DGKG: variants seen among roughly 807,000 people sequenced by gnomAD.
DGKG encodes the protein DAG kinase gamma.
In DGKG, 78 loss-of-function variants were observed where a neutral mutation model predicts 105.3. The observed-to-expected ratio is 0.74, with a 90% CI of 0.62 to 0.89. The LOEUF (loss-of-function observed/expected upper bound fraction) is 0.89. DGKG is among the 40% of genes least tolerant of loss of function. DGKG has a pLI of 0.00. For missense variants in DGKG, 958 were observed against 1,020.1 expected (o/e 0.94, Z 0.83); for synonymous variants, 346 against 367.1 (o/e 0.94, Z 0.66).
Position 186,149,112 on chromosome 3 carries a change from C to G in DGKG, c.*978G>C. On this transcript the variant is annotated 3_prime_UTR_variant, in exon 25 of 25. Transcript: ENST00000265022. ...GCAAAGAAGCAGGAGGGAACCGTCT[C>G]CTGGTTTCCCCAGCAAAGTTCCTTC... is the stretch of plus-strand genomic sequence containing the variant. The G allele has an allele frequency of 1.0e-6, 1 of 985,120 alleles. No homozygotes were observed. 61.0% of individuals were successfully genotyped at this position (985,120 alleles called of 1,614,324 possible).
At chr3:186,343,688 T>A (rs1431639520) in intron 1 of DGKG, among the ~76,000 whole-genome samples, 2 of 152,226 alleles carry the variant, frequency 1.3e-5, no homozygotes, top group Non-Finnish European at 2.9e-5. Flanking sequence ...ATCATATTTT[T>A]AAATGATTTT....
At chr3:186,303,537 G>T (rs1724077963) in intron 3 of DGKG, among the ~76,000 whole-genome samples, 1 of 152,228 alleles carries the variant, frequency 6.6e-6, no homozygotes, top group South Asian at 2.1e-4. Context: ...AGACAGCAGT[G>T]TGGGGAAGAA....
chr3:186,188,094 A>G, intron 22 of DGKG, 108 bp downstream of exon 22: 1 of 1,282,472 alleles, frequency 7.8e-7, no homozygotes. Context: ...TCCGCAGAGC[A>G]TGGAGTCCTT....
intron 2 of DGKG, among the ~76,000 whole-genome samples, chr3:186,315,257 T>C (rs1724761829): frequency 6.6e-6 from 1 of 152,200 alleles, no homozygotes; most frequent in African/African-American, 2.4e-5. Context: ...TATTCCACAC[T>C]TTAAAGACTT....
chr3:186,266,523 A>G (rs1192870749), intron 13 of DGKG, among the ~76,000 whole-genome samples: 1 of 152,168 alleles, frequency 6.6e-6, no homozygotes, highest in Non-Finnish European at 1.5e-5. Flanking sequence ...AGAATTTTTG[A>G]GTTATGGAGT....
chr3:186,326,674 T>C (rs996344535), intron 1 of DGKG, among the ~76,000 whole-genome samples: 2 of 152,168 alleles, frequency 1.3e-5, no homozygotes, highest in African/African-American at 2.4e-5. Context: ...AAAAACAAAA[T>C]AGACTTCAAG....
intron 6 of DGKG, among the ~76,000 whole-genome samples, chr3:186,285,679 CTT>C (rs34275225): frequency 4.1e-4 from 55 of 133,176 alleles, no homozygotes; most frequent in East Asian, 4.3e-4. Context: ...TTCTTTCTTT[CTT>C]TTTTTTTTTT....
At chr3:186,354,741 T>G (rs957546547) in intron 1 of DGKG, among the ~76,000 whole-genome samples, 2 of 152,202 alleles carry the variant, frequency 1.3e-5, no homozygotes, top group African/African-American at 4.8e-5. Context: ...GAGAAATAGA[T>G]ATTTTTGCAG....
chr3:186,296,751 G>T (rs910499863), intron 5 of DGKG, among the ~76,000 whole-genome samples: 2 of 152,288 alleles, frequency 1.3e-5, no homozygotes, highest in Admixed American at 1.3e-4. Flanking sequence ...GGCTCCACAG[G>T]TCACACCAGT....
chr3:186,165,140 C>CT, intron 22 of DGKG, 122 bp from the exon 23 acceptor site: 1 of 1,024,160 alleles, frequency 9.8e-7, no homozygotes, highest in South Asian at 1.8e-5. Context: ...CACCAAACAC[C>CT]TTTTTCATAT....
At chr3:186,206,739 T>C (rs557777239) in intron 21 of DGKG, among the ~76,000 whole-genome samples, 2 of 151,868 alleles carry the variant, frequency 1.3e-5, no homozygotes, top group Admixed American at 1.3e-4. Flanking sequence ...GGGGACATGC[T>C]GGCTTCTTTT....
At chr3:186,356,342 C>A (rs533078428) in intron 1 of DGKG, among the ~76,000 whole-genome samples, 9 of 152,184 alleles carry the variant, frequency 5.9e-5, no homozygotes, top group African/African-American at 2.2e-4. Flanking sequence ...AATATCTGGG[C>A]AAGTTGGCGA....
Position 186,275,574 on chromosome 3 carries a change from C to A in DGKG, c.883G>T (p.Val295Phe). ...GTGCAGCACAGGCCTTGCTTGCGGACGCCCATGAGCATGATATGGCAGAAG... is the reference window on the plus strand; with the variant it reads ...GTGCAGCACAGGCCTTGCTTGCGGAAGCCCATGAGCATGATATGGCAGAAG... ...CNFCHIMLMG[V>F]RKQGLCCTYC... The change falls in exon 10 of 25, where the codon GTC (valine) becomes TTC (phenylalanine). Residue 295 changes from valine (V) to phenylalanine (F), a missense_variant. Coordinates refer to ENST00000265022, the MANE Select transcript of DGKG (RefSeq NM_001346.3). 1.2e-6 allele frequency: 2 copies of A among 1,614,180 alleles called. No individual in the cohort carries two copies. The highest frequency in any genetic ancestry group is 8.5e-7 in the Non-Finnish European group (1 of 1,180,004).
chr3:186,340,883 C>A (rs909367814), intron 1 of DGKG, among the ~76,000 whole-genome samples: 1 of 152,130 alleles, frequency 6.6e-6, no homozygotes, highest in African/African-American at 2.4e-5. Context: ...CCATTAAATT[C>A]CTTGTAACAG....
chr3:186,267,731 A>G lies in DGKG; in HGVS notation c.1163T>C (p.Leu388Pro). 1 of 1,614,110 alleles carries G rather than the reference A, an allele frequency of 6.2e-7. No homozygotes were observed. Among genetic ancestry groups the G allele is most frequent in the South Asian group, 1.1e-5 (1 of 91,082 alleles). The change falls in exon 13 of 25, where the codon CTC becomes CCC. Residue 388 changes from leucine (L) to proline (P), a missense_variant. Physicochemically the swap from Leu to Pro is moderately conservative, Grantham distance 98 (BLOSUM62 -3). Around this residue, in one of 2 missense-constraint regions of DGKG, gnomAD observed 643 missense variants for 619.5 expected, o/e 1.04. Coordinates refer to ENST00000265022, the MANE Select transcript of DGKG (RefSeq NM_001346.3). ...ELSTLCDGGELRDHILLPTSI... is the reference protein window; with the variant it reads ...ELSTLCDGGEPRDHILLPTSI... ...GGTGGGCAGTAAGATGTGGTCTCTG[A>G]GTTCCCCACCGTCACACAACGTTGA...
At chr3:186,196,252 C>A (rs1428592650) in intron 21 of DGKG, among the ~76,000 whole-genome samples, 1 of 151,674 alleles carries the variant, frequency 6.6e-6, no homozygotes, top group Non-Finnish European at 1.5e-5. Context: ...ATTCTCCTGC[C>A]TCAGCCTCCC....
intron 19 of DGKG, among the ~76,000 whole-genome samples, chr3:186,243,895 G>GTTTTTTTTTTTTTTTTTTTTCTTT (rs34134152): frequency 8.6e-6 from 1 of 116,338 alleles, no homozygotes; most frequent in African/African-American, 3.6e-5. Context: ...AAATTTCTGT[G>GTTTTTTTTTTTTTTTTTTTTCTTT]TTTTTTTTTT....
At chr3:186,186,425 CAG>C (rs1717642592) in intron 22 of DGKG, among the ~76,000 whole-genome samples, 1 of 152,170 alleles carries the variant, frequency 6.6e-6, no homozygotes, top group Non-Finnish European at 1.5e-5. Flanking sequence ...GGCAGCCCAT[CAG>C]AGTCATCTGG....
intron 21 of DGKG, among the ~76,000 whole-genome samples, chr3:186,188,940 G>A (rs544434805): frequency 6.6e-6 from 1 of 152,040 alleles, no homozygotes; most frequent in Admixed American, 6.6e-5. Flanking sequence ...TCAGCCTCCC[G>A]AGTAGCTGGG....
Sources: allele counts gnomAD v4.1 joint callset (sites outside exome capture counted in the v4.1 genomes callset), GRCh38; gene constraint gnomAD v4.1.1; regional missense constraint gnomAD v4.1.1; transcripts MANE v1.5; gene names NCBI Gene and HGNC (gene_info 2026-07-23, HGNC 2026-07-21).